Variants in GLIS3 observed in about 807,000 individuals in gnomAD.
The protein encoded by GLIS3 is GLIS family zinc finger 3.
A neutral mutation model predicts 78.6 loss-of-function variants in GLIS3; 53 were observed. The observed-to-expected ratio is 0.67, with a 90% CI of 0.54 to 0.85. The LOEUF (loss-of-function observed/expected upper bound fraction) is 0.85, where lower values mean the gene tolerates loss of function less well. Ranked by LOEUF, GLIS3 falls within the 40% of genes least tolerant of loss-of-function variation. The pLI is 0.00. For synonymous variants in GLIS3, 684 were observed against 509.9 expected, an observed-to-expected ratio of 1.34 and a Z score of -4.60; for missense variants, 1,703 against 1,231.1, an observed-to-expected ratio of 1.38 and a Z score of -5.74.
intron 4 of GLIS3, among the ~76,000 whole-genome samples, chr9:3,989,641 T>C (rs1820058724): frequency 6.6e-6 from 1 of 152,312 alleles, no homozygotes; most frequent in East Asian, 1.9e-4. Flanking sequence ...AGTTACATAC[T>C]GTATGAGTCC....
chr9:4,159,185 G>T (rs1220545786), intron 2 of GLIS3, among the ~76,000 whole-genome samples: 1 of 152,134 alleles, frequency 6.6e-6, no homozygotes, highest in Non-Finnish European at 1.5e-5. Flanking sequence ...TGCATCACTA[G>T]TCCCCATCCC....
chr9:4,047,250 C>T (rs1282199790), intron 4 of GLIS3, among the ~76,000 whole-genome samples: 1 of 152,146 alleles, frequency 6.6e-6, no homozygotes, highest in Non-Finnish European at 1.5e-5. Context: ...ACTTTCCCTT[C>T]TGTCATGATT....
At chr9:4,266,656 G>A (rs1426223364) in intron 2 of GLIS3, among the ~76,000 whole-genome samples, 1 of 151,152 alleles carries the variant, frequency 6.6e-6, no homozygotes, top group Non-Finnish European at 1.5e-5. Context: ...TCATGCTTCT[G>A]GACTGTGTAC....
intron 2 of GLIS3, among the ~76,000 whole-genome samples, chr9:4,274,679 G>C (rs1368380816): frequency 6.6e-6 from 1 of 152,176 alleles, no homozygotes; most frequent in Non-Finnish European, 1.5e-5. Context: ...ATGCCAAGAA[G>C]GTGACCACAG....
At chr9:4,389,657 A>G in the GLIS3 span, among the ~76,000 whole-genome samples, 1 of 152,172 alleles carries the variant, frequency 6.6e-6, no homozygotes, top group African/African-American at 2.4e-5. Context: ...TGCCCAAGAC[A>G]ATCACATCAC....
intron 6 of GLIS3, among the ~76,000 whole-genome samples, chr9:3,914,067 A>G (rs1824327602): frequency 1.3e-5 from 2 of 152,246 alleles, no homozygotes; most frequent in Non-Finnish European, 2.9e-5. Flanking sequence ...TAAATTATCA[A>G]TTAAGAATAA....
At chr9:4,066,753 C>T (rs749882821) in intron 4 of GLIS3, among the ~76,000 whole-genome samples, 2 of 152,228 alleles carry the variant, frequency 1.3e-5, no homozygotes, top group Non-Finnish European at 2.9e-5. Flanking sequence ...AGAGACACTG[C>T]AAGGTGAAGT....
chr9:4,418,734 T>G, the GLIS3 span, among the ~76,000 whole-genome samples: 80,247 of 151,520 alleles, frequency 0.53, 23,409 homozygotes, highest in South Asian at 0.69. Flanking sequence ...TGGAGAAAGA[T>G]GTTGATTCCA....
intron 6 of GLIS3, among the ~76,000 whole-genome samples, chr9:3,921,566 T>A (rs1181111484): frequency 6.6e-6 from 1 of 152,180 alleles, no homozygotes; most frequent in Non-Finnish European, 1.5e-5. Flanking sequence ...AATAATGAGT[T>A]GGCCTTTGTA....
the GLIS3 span, among the ~76,000 whole-genome samples, chr9:4,416,066 C>G: frequency 2.7e-5 from 4 of 150,332 alleles, no homozygotes; most frequent in African/African-American, 2.4e-5. Flanking sequence ...TTGCAGAGCA[C>G]AGGATCTAAT....
Position 4,100,846 on chromosome 9 carries a change from T to C in GLIS3, c.1710+16922A>G, listed in dbSNP as rs143146896. 4.9e-4 allele frequency among the ~76,000 whole-genome samples: 74 copies of C among 152,296 alleles called. 1 individual carries two copies. In the East Asian group the frequency reaches 9.8e-3, roughly 20 times the overall value. On this transcript the variant is annotated intron_variant, in intron 4 of 10. Coordinates refer to ENST00000381971, the MANE Select transcript of GLIS3 (RefSeq NM_001042413.2). ...AACCCTGGGGTAGAAACTGCCCCCA[T>C]AGATGGAATTCTACGTAATCTATGT...
At chr9:3,980,440 G>C (rs1036244231) in intron 4 of GLIS3, among the ~76,000 whole-genome samples, 6 of 152,162 alleles carry the variant, frequency 3.9e-5, no homozygotes, top group African/African-American at 1.4e-4. Context: ...ATGTAAGCCA[G>C]ACATACCAGC....
chr9:4,071,653 C>T (rs1167828338), intron 4 of GLIS3: 1 of 152,134 alleles, frequency 6.6e-6, no homozygotes, highest in Admixed American at 6.5e-5. Flanking sequence ...TATTGGTACC[C>T]TTTAGGAGCT....
At chr9:4,428,176 AAATAAT>A in the GLIS3 span, among the ~76,000 whole-genome samples, 6 of 151,386 alleles carry the variant, frequency 4.0e-5, no homozygotes, top group African/African-American at 7.3e-5. Context: ...TGCCTACCAA[AAATAAT>A]AATAATAATA....
At chr9:4,001,979 C>T (rs957889758) in intron 4 of GLIS3, among the ~76,000 whole-genome samples, 4 of 152,202 alleles carry the variant, frequency 2.6e-5, no homozygotes, top group African/African-American at 4.8e-5. Context: ...CCTCTAATAA[C>T]GTCCACTTCC....
the GLIS3 span, among the ~76,000 whole-genome samples, chr9:4,447,208 T>A: frequency 6.6e-6 from 1 of 152,182 alleles, no homozygotes; most frequent in South Asian, 2.1e-4. Flanking sequence ...CCACCATGCC[T>A]GGCTAATTAT....
the GLIS3 span, among the ~76,000 whole-genome samples, chr9:4,386,878 G>C: frequency 3.3e-5 from 5 of 152,106 alleles, no homozygotes; most frequent in Non-Finnish European, 7.3e-5. Flanking sequence ...CATTTTATGA[G>C]AGTCAGAGGG....
the GLIS3 span, among the ~76,000 whole-genome samples, chr9:4,476,413 G>C: frequency 6.6e-6 from 1 of 152,094 alleles, no homozygotes; most frequent in Non-Finnish European, 1.5e-5. Flanking sequence ...CCAGGCTGGA[G>C]TGCAATGGCA....
At chr9:4,281,748 T>C (rs1827574492) in intron 2 of GLIS3, among the ~76,000 whole-genome samples, 1 of 152,204 alleles carries the variant, frequency 6.6e-6, no homozygotes, top group South Asian at 2.1e-4. Flanking sequence ...TAAATCACAA[T>C]TACTGAAAAT....
Sources: allele counts gnomAD v4.1 joint callset (sites outside exome capture counted in the v4.1 genomes callset), GRCh38; gene constraint gnomAD v4.1.1; transcripts MANE v1.5; gene names NCBI Gene and HGNC (gene_info 2026-07-23, HGNC 2026-07-21).